The following THSD7A variants were observed in gnomAD, a reference collection of about 807,000 sequenced individuals.
The protein encoded by THSD7A is thrombospondin type-1 domain-containing protein 7A.
A neutral mutation model predicts 231.3 loss-of-function variants in THSD7A; 96 were observed. The observed-to-expected ratio is 0.41, with a 90% CI of 0.35 to 0.49. The LOEUF (loss-of-function observed/expected upper bound fraction) is 0.49, where lower values mean the gene tolerates loss of function less well. THSD7A is among the 20% of genes least tolerant of loss of function. The pLI is 0.05. For missense variants in THSD7A, 2,290 were observed against 2,070.2 expected (o/e 1.11, Z -2.06); for synonymous variants, 940 against 743.3 (o/e 1.26, Z -4.30).
At chr7:11,697,070 G>A (rs1227406689) in intron 1 of THSD7A, among the ~76,000 whole-genome samples, 4 of 151,266 alleles carry the variant, frequency 2.6e-5, no homozygotes, top group South Asian at 2.1e-4. Context: ...ATTTAATAAC[G>A]ATTTTGATGA....
chr7:11,550,023 A>G (rs1424737881), intron 4 of THSD7A, among the ~76,000 whole-genome samples: 1 of 152,166 alleles, frequency 6.6e-6, no homozygotes. Context: ...AAGGCATCCA[A>G]ATAGGAAGAG....
intron 4 of THSD7A, 55 bp from the exon 5 acceptor site, chr7:11,543,172 C>T: frequency 6.7e-7 from 1 of 1,493,880 alleles, no homozygotes; most frequent in Non-Finnish European, 9.1e-7. Flanking sequence ...CATATATGGC[C>T]AACAATATGA....
intron 2 of THSD7A, among the ~76,000 whole-genome samples, chr7:11,616,271 C>A (rs1231549109): frequency 2.0e-5 from 3 of 152,138 alleles, no homozygotes; most frequent in African/African-American, 4.8e-5. Flanking sequence ...CTCAATCTCT[C>A]TGCTTCCAGG....
chr7:11,624,339 A>G (rs1729525716), intron 2 of THSD7A, among the ~76,000 whole-genome samples: 2 of 152,122 alleles, frequency 1.3e-5, no homozygotes, highest in South Asian at 4.1e-4. Context: ...TTACTGAAGA[A>G]AAGGCCAGAT....
intron 6 of THSD7A, among the ~76,000 whole-genome samples, chr7:11,519,265 A>T (rs897013769): frequency 4.6e-5 from 7 of 152,148 alleles, no homozygotes; most frequent in Admixed American, 3.3e-4. Context: ...GCCCCGCGCC[A>T]TCACAACCCT....
At chr7:11,558,607 AC>A (rs1327365117) in intron 4 of THSD7A, among the ~76,000 whole-genome samples, 1 of 152,144 alleles carries the variant, frequency 6.6e-6, no homozygotes, top group Non-Finnish European at 1.5e-5. Context: ...ACTATACTAG[AC>A]CATAATTAAA....
intron 2 of THSD7A, among the ~76,000 whole-genome samples, chr7:11,631,666 C>A (rs546601034): frequency 5.5e-4 from 84 of 152,068 alleles, no homozygotes; most frequent in Non-Finnish European, 1.0e-3. Context: ...GAAAAAAAAA[C>A]AAACACAAAA....
At chr7:11,745,592 T>C (rs1377027129) in intron 1 of THSD7A, among the ~76,000 whole-genome samples, 1 of 152,132 alleles carries the variant, frequency 6.6e-6, no homozygotes, top group Non-Finnish European at 1.5e-5. Context: ...AAAATTTAAG[T>C]CTTTAATCCA....
At chr7:11,741,633 C>G (rs1782118205) in intron 1 of THSD7A, among the ~76,000 whole-genome samples, 1 of 151,650 alleles carries the variant, frequency 6.6e-6, no homozygotes, top group Admixed American at 6.6e-5. Flanking sequence ...GTGAGCACTC[C>G]TTGGTTGAAA....
intron 1 of THSD7A, among the ~76,000 whole-genome samples, chr7:11,724,549 A>G (rs567380055): frequency 5.9e-4 from 89 of 152,042 alleles, no homozygotes; most frequent in African/African-American, 1.8e-3. Flanking sequence ...GTGTATATAC[A>G]CGCACACATA....
intron 9 of THSD7A, among the ~76,000 whole-genome samples, chr7:11,469,580 C>T (rs560671387): frequency 1.3e-5 from 2 of 152,034 alleles, no homozygotes; most frequent in East Asian, 1.9e-4. Context: ...ACATATACCA[C>T]GATATATTCC....
chr7:11,523,575 A>G (rs1458768651), intron 6 of THSD7A, among the ~76,000 whole-genome samples: 1 of 152,112 alleles, frequency 6.6e-6, no homozygotes, highest in Non-Finnish European at 1.5e-5. Context: ...GCTAGGAAAA[A>G]CTATTAATCA....
rs1437031281 is a variant in THSD7A at position 11,814,972 on chromosome 7, T to A, written c.190+16785A>T. ...GGGCCCATGAACTAATGGGAACAAA[T>A]GAAGCACAGTGCATAGAGAAATGTT... On this transcript the variant is annotated intron_variant, in intron 1 of 27. Transcript: ENST00000423059. The surrounding 1 kb of genome is among the most constrained non-coding windows in gnomAD (Gnocchi z 5.1). 4.6e-5 allele frequency among the ~76,000 whole-genome samples: 7 copies of A among 151,998 alleles called. No homozygotes were observed. The highest frequency in any genetic ancestry group is 1.0e-4 in the Non-Finnish European group (7 of 68,012).
intron 1 of THSD7A, among the ~76,000 whole-genome samples, chr7:11,769,148 TATA>T (rs1321964281): frequency 2.4e-4 from 16 of 66,650 alleles, no homozygotes; most frequent in African/African-American, 6.3e-4. Flanking sequence ...TATATATATA[TATA>T]TATTTTTTTT....
At chr7:11,388,043 G>A (rs550472872) in intron 23 of THSD7A, among the ~76,000 whole-genome samples, 1 of 152,270 alleles carries the variant, frequency 6.6e-6, no homozygotes, top group South Asian at 2.1e-4. Flanking sequence ...GCATCCCAGG[G>A]ATGAAGCCGA....
At chr7:11,460,265 C>T (rs1418044172) in intron 11 of THSD7A, among the ~76,000 whole-genome samples, 5 of 152,060 alleles carry the variant, frequency 3.3e-5, no homozygotes, top group African/African-American at 9.7e-5. Flanking sequence ...TGTATGTATG[C>T]ACATATATAA....
At position 11,617,839 on chromosome 7, in the gene THSD7A, G is replaced by C. The variant is rs374160366; in HGVS notation, c.1022+18291C>G. ...ACAACACACACTGGGGCCTGTCGTG[G>C]GGTAGGGAGAGGAGGGAGGGATAGC... On this transcript the variant is annotated intron_variant, in intron 2 of 27. Transcript: ENST00000423059. 2.1e-3 allele frequency among the ~76,000 whole-genome samples: 316 copies of C among 152,266 alleles called. 4 individuals are homozygous for C. The South Asian group carries it at 0.031, about 15-fold the overall frequency.
chr7:11,573,605 C>T (rs1010027111), intron 4 of THSD7A, among the ~76,000 whole-genome samples: 2 of 152,166 alleles, frequency 1.3e-5, no homozygotes, highest in African/African-American at 4.8e-5. Context: ...GTTCTTATGG[C>T]AGGGTTCCAT....
intron 1 of THSD7A, among the ~76,000 whole-genome samples, chr7:11,680,136 C>G (rs1783811858): frequency 6.6e-6 from 1 of 150,826 alleles, no homozygotes; most frequent in African/African-American, 2.4e-5. Flanking sequence ...GTTGGGAAAA[C>G]TGGCTAGCCA....
Sources: allele counts gnomAD v4.1 joint callset (sites outside exome capture counted in the v4.1 genomes callset), GRCh38; gene constraint gnomAD v4.1.1; non-coding constraint Gnocchi (gnomAD v3.1); transcripts MANE v1.5; gene names NCBI Gene and HGNC (gene_info 2026-07-23, HGNC 2026-07-21).